PIK3R5: variants seen among roughly 807,000 people sequenced by gnomAD.
The protein encoded by PIK3R5 is phosphoinositide-3-kinase regulatory subunit 5.
A neutral mutation model predicts 94.9 loss-of-function variants in PIK3R5; 32 were observed. That is an observed-to-expected ratio of 0.34 (90% CI 0.25 to 0.45). PIK3R5 has a LOEUF of 0.45. Among genes scored for constraint, PIK3R5 ranks in the 20% least tolerant of loss-of-function variants. The probability of loss-of-function intolerance (pLI) is 1.00; values close to 1 mark genes in which losing one functional copy is unlikely to be tolerated. For synonymous variants in PIK3R5, 443 were observed against 479.4 expected (o/e 0.92, Z 0.99); for missense variants, 853 against 1,144.6 (o/e 0.75, Z 3.68).
intron 1 of PIK3R5, among the ~76,000 whole-genome samples, chr17:8,939,349 C>T (rs1279918253): frequency 6.6e-6 from 1 of 152,012 alleles, no homozygotes; most frequent in East Asian, 1.9e-4. Context: ...TCTACAGACC[C>T]CTCTTCAGAA....
At chr17:8,939,617 T>C (rs1261765048) in intron 1 of PIK3R5, among the ~76,000 whole-genome samples, 3 of 152,228 alleles carry the variant, frequency 2.0e-5, no homozygotes, top group Non-Finnish European at 4.4e-5. Flanking sequence ...TTTCTGTTGG[T>C]GACAAAGTCA....
In PIK3R5 at chr17:8,936,389, A is replaced by G. The variant is rs1197971626; in HGVS notation, c.-13-24882T>C. On this transcript the variant is annotated intron_variant, in intron 1 of 18. Transcript: ENST00000447110. Reference sequence around the variant, plus strand: ...GTATCACAGAATATTTTCACTGCCCAGAAAATCCCCTATACTCCATCTATT... The same window carrying G: ...GTATCACAGAATATTTTCACTGCCCGGAAAATCCCCTATACTCCATCTATT... Among the ~76,000 whole-genome samples the G allele has an allele frequency of 3.3e-5, 5 of 152,216 alleles. No individual in the cohort carries two copies. The East Asian group carries it at 9.6e-4, about 29-fold the overall frequency.
chr17:8,895,159 C>T (rs1449776384), intron 5 of PIK3R5, among the ~76,000 whole-genome samples: 2 of 152,320 alleles, frequency 1.3e-5, no homozygotes, highest in East Asian at 3.8e-4. Flanking sequence ...AGAAGAGATC[C>T]TCACCCGCTC....
chr17:8,923,078 C>G (rs989353533), intron 1 of PIK3R5, among the ~76,000 whole-genome samples: 1 of 152,132 alleles, frequency 6.6e-6, no homozygotes, highest in Non-Finnish European at 1.5e-5. Flanking sequence ...AACGTGTACA[C>G]AGCACTGACC....
rs1286408402 is a variant in PIK3R5, at chr17:8,935,696, T to A, written c.-13-24189A>T. Among the ~76,000 whole-genome samples the A allele has an allele frequency of 2.6e-5, 4 of 152,102 alleles. No homozygotes were observed. The highest frequency in any genetic ancestry group is 7.2e-5 in the African/African-American group (3 of 41,412). ...CTGAGGAAGGTTTGTGGCAGGAAAGTGAACAGCTCTGAGCTCCCGGACAGC... is the reference window on the plus strand; with the variant it reads ...CTGAGGAAGGTTTGTGGCAGGAAAGAGAACAGCTCTGAGCTCCCGGACAGC... On this transcript the variant is annotated intron_variant, in intron 1 of 18. Transcript: ENST00000447110. This position sits in a 1 kb window ranked among gnomAD's most constrained non-coding sequence, Gnocchi z 4.5.
chr17:8,947,632 C>A (rs1035522279), intron 1 of PIK3R5, among the ~76,000 whole-genome samples: 12 of 151,974 alleles, frequency 7.9e-5, no homozygotes, highest in Non-Finnish European at 2.9e-5. Flanking sequence ...AGAAAAGAGG[C>A]GGAAATGTGA....
chr17:8,954,458 G>A (rs892625265), intron 1 of PIK3R5, among the ~76,000 whole-genome samples: 1 of 152,148 alleles, frequency 6.6e-6, no homozygotes. Context: ...AGCCTGGCAC[G>A]GGCGGGACAG....
chr17:8,887,543 G>A lies in PIK3R5; in HGVS notation c.1757C>T (p.Ser586Phe). 1 of 1,607,756 alleles carries A rather than the reference G, an allele frequency of 6.2e-7. No individual in the cohort carries two copies. Among genetic ancestry groups the A allele is most frequent in the Non-Finnish European group, 8.5e-7 (1 of 1,177,388 alleles). The part of the protein sequence containing the change: ...RSQTPSPPTD[S>F]PRHASPGELG... ...TACTCCAGGGCTGGCGTGCCTAGGG[G>A]AGTCTGTCGGGGGTGAGGGCGTCTG... Residue 586 changes from serine (S) to phenylalanine (F), a missense_variant, in exon 11 of 19, where the codon TCC becomes TTC. Transcript: ENST00000447110.
In PIK3R5 at chr17:8,938,561, A is replaced by C. The variant is rs558266799; in HGVS notation, c.-14+27035T>G. Among the ~76,000 whole-genome samples, 19 of 152,332 alleles carry C rather than the reference A, an allele frequency of 1.2e-4. No individual in the cohort carries two copies. In the East Asian group the frequency reaches 3.7e-3, roughly 29 times the overall value. On this transcript the variant is annotated intron_variant, in intron 1 of 18. Transcript: ENST00000447110. ...ATTCTCCCTCCCCTTATCCTCTGGC[A>C]ACCAGTCATCTACTTTTTGTCTTTA...
chr17:8,927,985 G>C (rs2090920293), intron 1 of PIK3R5, among the ~76,000 whole-genome samples: 1 of 152,146 alleles, frequency 6.6e-6, no homozygotes, highest in South Asian at 2.1e-4. Context: ...GTGGCTTGAG[G>C]CTCTCACCAG....
chr17:8,964,147 T>C (rs1407279323), intron 1 of PIK3R5, among the ~76,000 whole-genome samples: 1 of 152,030 alleles, frequency 6.6e-6, no homozygotes, highest in African/African-American at 2.4e-5. Context: ...TCCCAGCACT[T>C]TGGAAGGCCA....
chr17:8,898,650 C>A (rs935703874), intron 5 of PIK3R5, among the ~76,000 whole-genome samples: 1 of 152,190 alleles, frequency 6.6e-6, no homozygotes, highest in Non-Finnish European at 1.5e-5. Context: ...TGGGACCAAC[C>A]TATGACGGTG....
At chr17:8,959,371 G>A (rs564649014) in intron 1 of PIK3R5, among the ~76,000 whole-genome samples, 1 of 152,238 alleles carries the variant, frequency 6.6e-6, no homozygotes, top group African/African-American at 2.4e-5. Flanking sequence ...GAACTGCAGA[G>A]ATCCAAGAAG....
intron 1 of PIK3R5, among the ~76,000 whole-genome samples, chr17:8,963,593 A>C (rs1469677399): frequency 6.6e-6 from 1 of 151,212 alleles, no homozygotes; most frequent in Non-Finnish European, 1.5e-5. Flanking sequence ...GCTATAGCGC[A>C]GTGAAGCGAT....
chr17:8,946,257 C>T (rs1004997217), intron 1 of PIK3R5, among the ~76,000 whole-genome samples: 6 of 151,772 alleles, frequency 4.0e-5, no homozygotes, highest in Non-Finnish European at 5.9e-5. Context: ...AGCCGCTTAC[C>T]GAGATCAGGT....
At position 8,904,865 on chromosome 17, in the gene PIK3R5, G is replaced by C. The variant is rs144885920; in HGVS notation, c.324C>G (p.Thr108=). 4.2e-5 allele frequency: 67 copies of C among 1,613,924 alleles called. No homozygotes were observed. Among genetic ancestry groups the C allele is most frequent in the Non-Finnish European group, 4.2e-5 (49 of 1,180,040 alleles). Residue 108 remains threonine (T), a synonymous_variant, in exon 5 of 19, where the codon ACC becomes ACG. Coordinates refer to ENST00000447110, the MANE Select transcript of PIK3R5 (RefSeq NM_001142633.3). The surrounding 1 kb of genome is among the most constrained non-coding windows in gnomAD (Gnocchi z 5.1). ...DSDLLLKAAS[T]YHRFLTWPVP... ...CAGGCCAGGTCAGGAACCGGTGGTA[G>C]GTGCTGGCTGCCTTCAGAAGGAGAT...
chr17:8,957,601 C>T lies in PIK3R5; in HGVS notation c.-14+7995G>A, dbSNP rs1261500276. On this transcript the variant is annotated intron_variant, in intron 1 of 18. Coordinates refer to ENST00000447110, the MANE Select transcript of PIK3R5 (RefSeq NM_001142633.3). ...CCAAATGCAGCACCTGGAATTCACT[C>T]AAGGTGGATATGCCCAGTTCAGTGT... Among the ~76,000 whole-genome samples the T allele has an allele frequency of 2.6e-5, 4 of 152,186 alleles. No homozygotes were observed. The East Asian group carries it at 7.7e-4, about 29-fold the overall frequency.
chr17:8,887,549 G>C lies in PIK3R5; in HGVS notation c.1751C>G (p.Thr584Arg), dbSNP rs773681955. Residue 584 changes from threonine (T) to arginine (R), a missense_variant, in exon 11 of 19, where the codon ACA becomes AGA. By Grantham distance (71) the Thr-to-Arg change is moderately conservative. Transcript: ENST00000447110. ...PPRSQTPSPPTDSPRHASPGE... is the reference protein window; with the variant it reads ...PPRSQTPSPPRDSPRHASPGE... ...AGGGCTGGCGTGCCTAGGGGAGTCT[G>C]TCGGGGGTGAGGGCGTCTGGCTCCG... is the stretch of plus-strand genomic sequence containing the variant. 1.2e-6 allele frequency: 2 copies of C among 1,607,892 alleles called. No homozygotes were observed. The highest frequency in any genetic ancestry group is 1.7e-5 in the Admixed American group (1 of 59,226).
intron 1 of PIK3R5, among the ~76,000 whole-genome samples, chr17:8,924,413 T>G (rs535216035): frequency 1.3e-5 from 2 of 152,164 alleles, no homozygotes; most frequent in South Asian, 4.2e-4. Context: ...TAGAATCATT[T>G]CTAGTTTGTA....
Sources: gnomAD v4.1 joint callset for allele counts (sites outside exome capture counted in the v4.1 genomes callset) on GRCh38, gnomAD v4.1.1 for gene constraint, Gnocchi (gnomAD v3.1) non-coding constraint, MANE v1.5 for transcripts, NCBI Gene and HGNC (gene_info 2026-07-23, HGNC 2026-07-21) for gene names.